The following ROBO2 variants were observed in gnomAD, a reference collection of about 807,000 sequenced individuals.
ROBO2 encodes the protein roundabout homolog 2.
Under a neutral mutation model 160.8 loss-of-function variants are expected in ROBO2, and 53 were observed. That is an observed-to-expected ratio of 0.33 (90% confidence interval 0.26 to 0.41). The LOEUF is 0.41. Among genes scored for constraint, ROBO2 ranks in the 10% least tolerant of loss-of-function variants. ROBO2 has a pLI of 1.00. For missense variants in ROBO2, 1,577 were observed against 1,722.4 expected (o/e 0.92, Z 1.49); for synonymous variants, 664 against 611.7 (o/e 1.09, Z -1.26).
intron 2 of ROBO2, among the ~76,000 whole-genome samples, chr3:76,299,579 T>C (rs1709256481): frequency 6.6e-6 from 1 of 152,076 alleles, no homozygotes; most frequent in Non-Finnish European, 1.5e-5. Flanking sequence ...GATGCAAGAT[T>C]TTGAGAAAAG....
chr3:77,013,982 A>T (rs1438977035), intron 2 of ROBO2, among the ~76,000 whole-genome samples: 7 of 152,176 alleles, frequency 4.6e-5, no homozygotes, highest in Admixed American at 3.9e-4. Flanking sequence ...ATAAACATAT[A>T]GTCAACAGAC....
In ROBO2 at chr3:76,009,939, A is replaced by AT. The variant is rs967857832; in HGVS notation, c.109+72346dup. ...TTGATGAAAAGCTTTAGCTTTTGCTATTTTTTTTTCTAATCAGTGATTCAG... is the reference window on the plus strand; with the variant it reads ...TTGATGAAAAGCTTTAGCTTTTGCTATTTTTTTTTTCTAATCAGTGATTCAG... On this transcript the variant is annotated intron_variant, in intron 2 of 26. Coordinates refer to the ROBO2 transcript ENST00000487694. 5.6e-4 allele frequency among the ~76,000 whole-genome samples: 85 copies of AT among 151,334 alleles called. 2 individuals are homozygous for AT. Among genetic ancestry groups the AT allele is most frequent in the Middle Eastern group, 3.4e-3 (1 of 292 alleles).
At chr3:76,696,461 G>A (rs1281671398) in intron 2 of ROBO2, among the ~76,000 whole-genome samples, 1 of 151,522 alleles carries the variant, frequency 6.6e-6, no homozygotes. Context: ...AAAGGGGGTT[G>A]CCATTGCTGG....
intron 2 of ROBO2, among the ~76,000 whole-genome samples, chr3:77,470,403 A>T (rs2083234345): frequency 6.6e-6 from 1 of 152,228 alleles, no homozygotes; most frequent in East Asian, 1.9e-4. Flanking sequence ...AGAGAGGATG[A>T]ATAGACCCAG....
intron 2 of ROBO2, among the ~76,000 whole-genome samples, chr3:76,194,909 C>T (rs980541620): frequency 6.6e-6 from 1 of 152,104 alleles, no homozygotes; most frequent in East Asian, 1.9e-4. Flanking sequence ...TGAGCCATTG[C>T]GCCAGGCCTA....
At chr3:77,271,701 A>ATCAACCTTCT (rs2059502618) in intron 2 of ROBO2, among the ~76,000 whole-genome samples, 3 of 152,258 alleles carry the variant, frequency 2.0e-5, no homozygotes, top group African/African-American at 4.8e-5. Flanking sequence ...TACTACTAAG[A>ATCAACCTTCT]TGTACCCTGG....
intron 1 of ROBO2, among the ~76,000 whole-genome samples, chr3:77,084,489 A>G (rs1434441911): frequency 1.3e-5 from 2 of 152,068 alleles, no homozygotes; most frequent in Non-Finnish European, 2.9e-5. Context: ...ACATTTTTAT[A>G]CCTCTGCCTG....
chr3:76,858,644 G>A (rs1157516274), intron 2 of ROBO2, among the ~76,000 whole-genome samples: 1 of 152,202 alleles, frequency 6.6e-6, no homozygotes, highest in Non-Finnish European at 1.5e-5. Context: ...AAGCCAAATA[G>A]TAAAGGCCCT....
intron 5 of ROBO2, among the ~76,000 whole-genome samples, chr3:77,505,386 G>A (rs1465301608): frequency 4.0e-5 from 6 of 151,852 alleles, no homozygotes; most frequent in Admixed American, 3.9e-4. Flanking sequence ...TGGAAAAAGA[G>A]AAATTAAAAA....
At chr3:77,135,724 C>A (rs2076224869) in intron 2 of ROBO2, among the ~76,000 whole-genome samples, 1 of 152,164 alleles carries the variant, frequency 6.6e-6, no homozygotes, top group Non-Finnish European at 1.5e-5. Context: ...TATCTTAATA[C>A]ACCAATGTTG....
chr3:76,937,021 T>C (rs570553751), intron 2 of ROBO2, among the ~76,000 whole-genome samples: 17 of 115,812 alleles, frequency 1.5e-4, no homozygotes, highest in African/African-American at 4.4e-4. Flanking sequence ...CTGGTACTCA[T>C]TATTGACCTA....
At chr3:77,107,206 A>G (rs776060606) in intron 2 of ROBO2, among the ~76,000 whole-genome samples, 8 of 152,192 alleles carry the variant, frequency 5.3e-5, no homozygotes, top group Non-Finnish European at 7.3e-5. Context: ...ATCATCTTCC[A>G]AACGCTCCAC....
rs968474454 is a variant in ROBO2 at position 76,452,590 on chromosome 3, C to T, written c.109+514988C>T. Among the ~76,000 whole-genome samples the T allele has an allele frequency of 2.6e-5, 4 of 152,006 alleles. No homozygotes were observed. In the South Asian group the frequency reaches 8.3e-4, roughly 32 times the overall value. The stretch of plus-strand genomic sequence containing the variant: ...AGTCTATCATTGGTGGATATTTGGG[C>T]TGGTTCCAAGTCTTTGCTATTGTGA... On this transcript the variant is annotated intron_variant, in intron 2 of 26. Transcript: ENST00000487694.
intron 2 of ROBO2, among the ~76,000 whole-genome samples, chr3:76,164,100 A>C (rs1345987631): frequency 6.6e-6 from 1 of 152,206 alleles, no homozygotes; most frequent in Non-Finnish European, 1.5e-5. Context: ...TCATTTCAAC[A>C]ATGTGCACAG....
intron 2 of ROBO2, among the ~76,000 whole-genome samples, chr3:75,982,731 T>A (rs571181025): frequency 6.6e-6 from 1 of 151,468 alleles, no homozygotes; most frequent in African/African-American, 2.4e-5. Context: ...TTTGGTAACA[T>A]TTTTGACACT....
chr3:77,365,078 G>A (rs183836010), intron 2 of ROBO2, among the ~76,000 whole-genome samples: 1 of 151,516 alleles, frequency 6.6e-6, no homozygotes, highest in East Asian at 2.0e-4. Flanking sequence ...CCAGGAGGAG[G>A]AGGTTGCAGT....
At chr3:76,921,681 G>GTTTC (rs905671389) in intron 2 of ROBO2, among the ~76,000 whole-genome samples, 13 of 151,976 alleles carry the variant, frequency 8.6e-5, no homozygotes, top group African/African-American at 1.2e-4. Flanking sequence ...TTTTTTGTTT[G>GTTTC]TTTCTTTCTT....
intron 22 of ROBO2, among the ~76,000 whole-genome samples, chr3:77,618,472 A>G (rs757705580): frequency 1.3e-5 from 2 of 152,186 alleles, no homozygotes; most frequent in Non-Finnish European, 2.9e-5. Flanking sequence ...AGTTTTATAC[A>G]GGATTTTTGT....
chr3:77,212,550 A>G (rs981862640), intron 2 of ROBO2, among the ~76,000 whole-genome samples: 45 of 152,092 alleles, frequency 3.0e-4, no homozygotes, highest in African/African-American at 1.0e-3. Flanking sequence ...CTCTTTTCCT[A>G]ATCAAATCCC....
Sources: allele counts gnomAD v4.1 joint callset (sites outside exome capture counted in the v4.1 genomes callset), GRCh38; gene constraint gnomAD v4.1.1; transcripts MANE v1.5; gene names NCBI Gene and HGNC (gene_info 2026-07-23, HGNC 2026-07-21).